PIKFYVE: variants seen among roughly 807,000 people sequenced by gnomAD.
PIKFYVE encodes 1-phosphatidylinositol 3-phosphate 5-kinase.
Under a neutral mutation model 257.9 loss-of-function variants are expected in PIKFYVE, and 122 were observed. That is an observed-to-expected ratio of 0.47 (90% CI 0.41 to 0.55). PIKFYVE has a LOEUF of 0.55. Among genes scored for constraint, PIKFYVE ranks in the 20% least tolerant of loss-of-function variants. PIKFYVE has a pLI of 0.00. For synonymous variants in PIKFYVE, 892 were observed against 868.9 expected (o/e 1.03, Z -0.47); for missense variants, 2,160 against 2,536.6 (o/e 0.85, Z 3.19).
At position 208,277,688 on chromosome 2, in the gene PIKFYVE, G is replaced by C; in HGVS notation, c.593G>C (p.Gly198Ala). 1 of 1,613,786 alleles carries C rather than the reference G, an allele frequency of 6.2e-7. No individual in the cohort carries two copies. The highest frequency in any genetic ancestry group is 1.1e-5 in the South Asian group (1 of 91,076). The change falls in exon 5 of 42, where the codon GGA becomes GCA. Residue 198 changes from glycine (G) to alanine (A), a missense_variant. Gly to Ala is a moderately conservative substitution (Grantham distance 60). Around this residue, in one of 12 missense-constraint regions of PIKFYVE, gnomAD observed 28 missense variants for 68.2 expected, o/e 0.41. Transcript: ENST00000264380. ...CSRCCNQEIP[G>A]KFMGYTGDLR... Reference sequence around the variant, plus strand: ...CGTTGCTGTAATCAAGAAATCCCTGGAAAATTTATGGGCTATACAGGTAAA... The same window carrying C: ...CGTTGCTGTAATCAAGAAATCCCTGCAAAATTTATGGGCTATACAGGTAAA...
At chr2:208,291,253 T>G (rs951840114) in intron 7 of PIKFYVE, among the ~76,000 whole-genome samples, 1 of 152,162 alleles carries the variant, frequency 6.6e-6, no homozygotes, top group Non-Finnish European at 1.5e-5. Flanking sequence ...ATCAATGACA[T>G]GATTACATAA....
intron 7 of PIKFYVE, among the ~76,000 whole-genome samples, chr2:208,293,586 T>A (rs111340581): frequency 0.049 from 7,501 of 152,210 alleles, 395 homozygotes; most frequent in African/African-American, 0.13. Context: ...TCTCTCAACA[T>A]CTTAAATATT....
At chr2:208,329,709 C>G (rs1697298045) in intron 21 of PIKFYVE, 133 bp from the exon 22 acceptor site, 1 of 1,440,562 alleles carries the variant, frequency 6.9e-7, no homozygotes, top group Non-Finnish European at 9.3e-7. Context: ...TTCATAACAA[C>G]AAAGAACATT....
At position 208,325,565 on chromosome 2, in the gene PIKFYVE, T is replaced by A; in HGVS notation, c.2754T>A (p.Pro918=). 2 of 1,614,134 alleles carry A rather than the reference T, an allele frequency of 1.2e-6. No individual in the cohort carries two copies. The highest frequency in any genetic ancestry group is 1.7e-6 in the Non-Finnish European group (2 of 1,180,004). Residue 918 remains proline, a synonymous_variant, in exon 20 of 42, where the codon CCT becomes CCA. Transcript: ENST00000264380. ...CCATCCCCTGGGATCCTGACATCCC[T>A]CCTGAGTCTCTGCCCTGTGATGATA... The part of the protein sequence containing the change: ...GGSIPWDPDI[P]PESLPCDDSS...
At position 208,355,861 on chromosome 2, in the gene PIKFYVE, A is replaced by G. The variant is rs1439113536; in HGVS notation, c.*556A>G. ...TGTTTTATTGAGGAATTTGACTTAA[A>G]CTGGGAATCCTGTCATGTTGTTTAT... On this transcript the variant is annotated 3_prime_UTR_variant, in exon 42 of 42. Transcript: ENST00000264380. 6.6e-6 allele frequency: 1 copy of G among 152,670 alleles called. No individual in the cohort carries two copies. Among genetic ancestry groups the G allele is most frequent in the Non-Finnish European group, 1.5e-5 (1 of 68,124 alleles). The allele number at this position is 152,670 out of a possible 1,614,324, so 9.5% of individuals were successfully genotyped here.
At chr2:208,304,416 A>C (rs943255044) in intron 11 of PIKFYVE, 98 bp downstream of exon 11, 37 of 1,474,662 alleles carry the variant, frequency 2.5e-5, no homozygotes, top group Non-Finnish European at 3.5e-5. Flanking sequence ...CAGCTTTATA[A>C]TTTATGGCTC....
Position 208,301,022 on chromosome 2 carries a change from G to A in PIKFYVE, c.1136G>A (p.Arg379Lys), listed in dbSNP as rs1693613235. The part of the protein sequence containing the change: ...MEFQDHRYWL[R>K]THPNCIVGKE... ...TTTCAGGATCACCGCTACTGGTTGA[G>A]AACGCATCCCAACTGCATTGTAGGA... The change falls in exon 9 of 42, where the codon AGA becomes AAA. Residue 379 changes from arginine (R) to lysine (K), a missense_variant. Transcript: ENST00000264380. 2 of 1,614,178 alleles carry A rather than the reference G, an allele frequency of 1.2e-6. No individual in the cohort carries two copies. Among genetic ancestry groups the A allele is most frequent in the Non-Finnish European group, 1.7e-6 (2 of 1,180,022 alleles).
intron 13 of PIKFYVE, among the ~76,000 whole-genome samples, chr2:208,313,217 A>T (rs1310922580): frequency 1.3e-5 from 2 of 152,182 alleles, no homozygotes; most frequent in East Asian, 3.8e-4. Context: ...TGGTCAGATT[A>T]TTCAACAGTT....
chr2:208,305,110 G>A (rs1364285872), intron 12 of PIKFYVE, 97 bp downstream of exon 12: 3 of 1,572,720 alleles, frequency 1.9e-6, no homozygotes, highest in Non-Finnish European at 2.6e-6. Context: ...TCTGTCCCAC[G>A]TGGCTGAGGG....
chr2:208,329,701 C>T, intron 21 of PIKFYVE, 141 bp from the exon 22 acceptor site: 1 of 1,398,380 alleles, frequency 7.2e-7, no homozygotes, highest in East Asian at 2.6e-5. Flanking sequence ...AAACCTGTTT[C>T]ATAACAACAA....
Position 208,320,201 on chromosome 2 carries a change from C to T in PIKFYVE, c.2083-51C>T, listed in dbSNP as rs376507113. 9.5e-6 allele frequency: 15 copies of T among 1,587,090 alleles called. No individual in the cohort carries two copies. In the African/African-American group the frequency reaches 1.5e-4, roughly 16 times the overall value. ...ATTTAAAGTTATAATTAAAGGAGGG[C>T]TGTAAAATGCAAACCTTTAAACACT... On this transcript the variant is annotated intron_variant, in intron 16 of 41. Transcript: ENST00000264380.
In PIKFYVE at chr2:208,324,168, C is replaced by T. The variant is rs780009009; in HGVS notation, c.2217C>T (p.Val739=). 3 of 1,613,644 alleles carry T rather than the reference C, an allele frequency of 1.9e-6. No homozygotes were observed. Among genetic ancestry groups the T allele is most frequent in the Non-Finnish European group, 2.5e-6 (3 of 1,179,642 alleles). The change falls in exon 18 of 42, where the codon GTC becomes GTT. Residue 739 remains valine (V), a synonymous_variant. Coordinates refer to ENST00000264380, the MANE Select transcript of PIKFYVE (RefSeq NM_015040.4). The part of the protein sequence containing the change: ...LQEREFLKNY[V]QRIVDVRPTL... Reference sequence around the variant, plus strand: ...AAAGGGAATTCTTGAAGAATTATGTCCAGCGAATAGTTGATGTTCGACCCA... The same window carrying T: ...AAAGGGAATTCTTGAAGAATTATGTTCAGCGAATAGTTGATGTTCGACCCA...
chr2:208,345,329 C>G (rs1699130489), intron 33 of PIKFYVE, 135 bp downstream of exon 33: 1 of 757,792 alleles, frequency 1.3e-6, no homozygotes, highest in African/African-American at 1.8e-5. Flanking sequence ...CATATTTCAG[C>G]CAATAATTGA....
At chr2:208,354,462 C>A in intron 40 of PIKFYVE, 109 bp from the exon 41 acceptor site, 4 of 1,060,160 alleles carry the variant, frequency 3.8e-6, no homozygotes, top group South Asian at 1.3e-5. Context: ...TGTTAGCACT[C>A]AATAAAAGTT....
chr2:208,316,486 C>G (rs2125478387), intron 15 of PIKFYVE, among the ~76,000 whole-genome samples: 1 of 151,960 alleles, frequency 6.6e-6, no homozygotes, highest in East Asian at 1.9e-4. Flanking sequence ...AGTTTACAGT[C>G]CCACCAACAG....
intron 28 of PIKFYVE, among the ~76,000 whole-genome samples, chr2:208,337,909 G>A (rs987633667): frequency 1.3e-5 from 2 of 152,056 alleles, no homozygotes; most frequent in Non-Finnish European, 2.9e-5. Context: ...TTTTAGTAGA[G>A]ATGGGGTTTC....
At chr2:208,302,445 G>A in intron 10 of PIKFYVE, 92 bp downstream of exon 10, 1 of 1,211,920 alleles carries the variant, frequency 8.3e-7, no homozygotes, top group Admixed American at 1.9e-5. Context: ...TTTATTAGAA[G>A]ATGATTTTTC....
intron 17 of PIKFYVE, among the ~76,000 whole-genome samples, chr2:208,321,708 G>C (rs1399388833): frequency 6.6e-6 from 1 of 151,978 alleles, no homozygotes; most frequent in East Asian, 1.9e-4. Context: ...CTCTCGAGTA[G>C]CTGGGATTAC....
chr2:208,328,592 C>G (rs1697198090), intron 21 of PIKFYVE, among the ~76,000 whole-genome samples: 1 of 152,062 alleles, frequency 6.6e-6, no homozygotes, highest in African/African-American at 2.4e-5. Flanking sequence ...AATATTTTTT[C>G]AAATTTGGAA....
Sources: allele counts gnomAD v4.1 joint callset (sites outside exome capture counted in the v4.1 genomes callset), GRCh38; gene constraint gnomAD v4.1.1; regional missense constraint gnomAD v4.1.1; transcripts MANE v1.5; gene names NCBI Gene and HGNC (gene_info 2026-07-23, HGNC 2026-07-21).